The following UXS1 variants were observed in gnomAD, a reference collection of about 807,000 sequenced individuals.
UXS1 encodes UDP-glucuronate decarboxylase 1, also known as UDP-glucuronic acid decarboxylase 1.
In UXS1, 33 loss-of-function variants were observed where a neutral mutation model predicts 62.6. The observed-to-expected ratio is 0.53, with a 90% CI of 0.40 to 0.70. UXS1 has a LOEUF of 0.70. Ranked by LOEUF, UXS1 falls within the 30% of genes least tolerant of loss-of-function variation. The pLI is 0.00. For missense variants in UXS1, 434 were observed against 556.3 expected, an observed-to-expected ratio of 0.78 and a Z score of 2.21; for synonymous variants, 213 against 206.8, an observed-to-expected ratio of 1.03 and a Z score of -0.26.
Position 106,129,790 on chromosome 2 carries a change from A to G in UXS1, c.473-12T>C. ...GTATATCTGGTCAACTAAAGGAGAC[A>G]AAACAGAAGCCTATTACTTCAAAAA... On this transcript the variant is annotated splice_polypyrimidine_tract_variant and intron_variant, in intron 6 of 14. Transcript: ENST00000283148. 1 of 1,573,882 alleles carries G rather than the reference A, an allele frequency of 6.4e-7. No homozygotes were observed. Among genetic ancestry groups the G allele is most frequent in the Non-Finnish European group, 8.7e-7 (1 of 1,154,656 alleles).
chr2:106,125,064 A>C (rs1030968788), intron 8 of UXS1, among the ~76,000 whole-genome samples: 2 of 152,116 alleles, frequency 1.3e-5, no homozygotes, highest in African/African-American at 4.8e-5. Flanking sequence ...CCTGGTCCCC[A>C]CTCCTCAACT....
intron 13 of UXS1, chr2:106,097,145 G>A (rs1273740525): frequency 1.2e-5 from 6 of 493,604 alleles, no homozygotes; most frequent in Admixed American, 9.2e-5. Flanking sequence ...ACCCACACCA[G>A]GTAACAAGTG....
chr2:106,129,183 T>C (rs996515890), intron 7 of UXS1, among the ~76,000 whole-genome samples: 1 of 152,170 alleles, frequency 6.6e-6, no homozygotes, highest in Non-Finnish European at 1.5e-5. Context: ...AGGTACTCAG[T>C]CTTGATAACA....
chr2:106,095,540 G>A (rs772678428), intron 14 of UXS1, among the ~76,000 whole-genome samples: 3 of 152,180 alleles, frequency 2.0e-5, no homozygotes, highest in Non-Finnish European at 4.4e-5. Flanking sequence ...TCTCAACTGC[G>A]TCCCTGACTC....
intron 13 of UXS1, chr2:106,097,445 G>A (rs1459201968): frequency 5.8e-6 from 2 of 347,474 alleles, no homozygotes; most frequent in South Asian, 2.2e-5. Flanking sequence ...CCCTGCCTCC[G>A]TGTCATGGAG....
chr2:106,106,893 C>A (rs755623355), intron 10 of UXS1, among the ~76,000 whole-genome samples: 5 of 152,190 alleles, frequency 3.3e-5, no homozygotes, highest in Admixed American at 6.5e-5. Context: ...GCTGGAGTGA[C>A]CTGCATTCAG....
At chr2:106,136,988 A>G (rs1217071267) in intron 6 of UXS1, among the ~76,000 whole-genome samples, 1 of 146,034 alleles carries the variant, frequency 6.8e-6, no homozygotes, top group African/African-American at 2.5e-5. Flanking sequence ...AAAAAAAAAG[A>G]AAGCCAAGTC....
intron 5 of UXS1, 100 bp from the exon 6 acceptor site, chr2:106,145,470 T>C: frequency 7.0e-7 from 1 of 1,420,202 alleles, no homozygotes; most frequent in Non-Finnish European, 9.3e-7. Context: ...CAGCCACGAC[T>C]TAAAACTCAG....
At chr2:106,160,416 T>C (rs1326499008) in intron 4 of UXS1, 3 of 152,232 alleles carry the variant, frequency 2.0e-5, no homozygotes, top group Admixed American at 1.3e-4. Context: ...CGTCTCTGAC[T>C]CATGACTTCC....
At position 106,165,816 on chromosome 2, in the gene UXS1, A is replaced by AT. The variant is rs1553435331; in HGVS notation, c.122+239_122+240insA. On this transcript the variant is annotated intron_variant, in intron 2 of 14. Coordinates refer to ENST00000283148, the MANE Select transcript of UXS1 (RefSeq NM_001253875.2). ...CCTTTATTATCTACACAAGGAGGGA[A>AT]GCGGGGGTGGCCGACCATTGTTTTA... is the stretch of plus-strand genomic sequence containing the variant. Among the ~76,000 whole-genome samples the AT allele has an allele frequency of 8.5e-5, 13 of 152,074 alleles. No homozygotes were observed. The East Asian group carries it at 2.5e-3, about 30-fold the overall frequency.
Position 106,191,674 on chromosome 2 carries a change from TC to T in UXS1, c.94+2473del, listed in dbSNP as rs1684944800. 2.0e-5 allele frequency among the ~76,000 whole-genome samples: 3 copies of T among 152,332 alleles called. No individual in the cohort carries two copies. In the South Asian group the frequency reaches 6.2e-4, roughly 32 times the overall value. On this transcript the variant is annotated intron_variant, in intron 1 of 14. Coordinates refer to ENST00000283148, the MANE Select transcript of UXS1 (RefSeq NM_001253875.2). ...CCAACAATACCATCCTTCTTTGCATTCCTAGAATACTGCCTGCTCTTGGCTG... is the reference window on the plus strand; with the variant it reads ...CCAACAATACCATCCTTCTTTGCATTCTAGAATACTGCCTGCTCTTGGCTG...
chr2:106,108,912 CCTG>C (rs1426996547), intron 10 of UXS1, among the ~76,000 whole-genome samples: 1 of 152,128 alleles, frequency 6.6e-6, no homozygotes, highest in Non-Finnish European at 1.5e-5. Flanking sequence ...TGACAAGAAC[CCTG>C]CTAAGTCAGT....
intron 10 of UXS1, among the ~76,000 whole-genome samples, chr2:106,110,063 G>A (rs1678454804): frequency 6.6e-6 from 1 of 152,180 alleles, no homozygotes; most frequent in Admixed American, 6.5e-5. Context: ...AGCAAGGCAT[G>A]ATATCTCAAT....
intron 9 of UXS1, among the ~76,000 whole-genome samples, chr2:106,120,700 G>T (rs971230774): frequency 2.0e-5 from 3 of 152,208 alleles, no homozygotes; most frequent in Non-Finnish European, 4.4e-5. Context: ...AGCAGCAAGC[G>T]TGGTTCCCAC....
chr2:106,109,852 C>T (rs1678434187), intron 10 of UXS1, among the ~76,000 whole-genome samples: 1 of 152,160 alleles, frequency 6.6e-6, no homozygotes, highest in African/African-American at 2.4e-5. Context: ...AAAGGGAGAA[C>T]GAGACGCTGA....
At chr2:106,118,325 C>T (rs568658922) in intron 9 of UXS1, among the ~76,000 whole-genome samples, 1 of 152,178 alleles carries the variant, frequency 6.6e-6, no homozygotes, top group East Asian at 1.9e-4. Flanking sequence ...ACCTTCAGGG[C>T]CATTAGACTA....
chr2:106,097,073 T>C, intron 13 of UXS1: 1 of 612,850 alleles, frequency 1.6e-6, no homozygotes, highest in Non-Finnish European at 3.0e-6. Context: ...GGGGGGCAGG[T>C]TATTCTGTCT....
intron 5 of UXS1, among the ~76,000 whole-genome samples, chr2:106,149,891 C>T (rs780553120): frequency 6.6e-6 from 1 of 152,120 alleles, no homozygotes; most frequent in Non-Finnish European, 1.5e-5. Context: ...AAGTCTAGAA[C>T]TTCTTAGAGA....
At chr2:106,158,188 T>C (rs1340457815) in intron 4 of UXS1, 70 bp from the exon 5 acceptor site, 10 of 1,331,292 alleles carry the variant, frequency 7.5e-6, no homozygotes, top group African/African-American at 5.9e-5. Context: ...CTGTCTACCA[T>C]CAAAGCATGT....
Sources: gnomAD v4.1 joint callset for allele counts (sites outside exome capture counted in the v4.1 genomes callset) on GRCh38, gnomAD v4.1.1 for gene constraint, MANE v1.5 for transcripts, NCBI Gene and HGNC (gene_info 2026-07-23, HGNC 2026-07-21) for gene names.